The following SLC9A9 variants were observed in gnomAD, a reference collection of about 807,000 sequenced individuals.
The protein encoded by SLC9A9 is sodium/hydrogen exchanger 9.
SLC9A9 carries 62 observed loss-of-function variants against 77.8 expected under a neutral mutation model. The observed-to-expected ratio is 0.80, with a 90% CI of 0.65 to 0.98. The LOEUF (loss-of-function observed/expected upper bound fraction) is 0.98, where lower values mean the gene tolerates loss of function less well. SLC9A9 is among the 50% of genes least tolerant of loss of function. The probability of loss-of-function intolerance (pLI) is 0.00; values close to 1 mark genes in which losing one functional copy is unlikely to be tolerated. For missense variants in SLC9A9, 775 were observed against 774.9 expected, an observed-to-expected ratio of 1.00 and a Z score of 0.00; for synonymous variants, 320 against 283.5, an observed-to-expected ratio of 1.13 and a Z score of -1.29.
intron 5 of SLC9A9, among the ~76,000 whole-genome samples, chr3:143,688,960 A>G (rs1038990142): frequency 4.6e-5 from 7 of 151,642 alleles, no homozygotes; most frequent in Admixed American, 2.0e-4. Context: ...TATAATTTTT[A>G]TTATAAATTA....
chr3:143,759,541 C>T (rs953336621), intron 4 of SLC9A9, among the ~76,000 whole-genome samples: 1 of 151,876 alleles, frequency 6.6e-6, no homozygotes, highest in African/African-American at 2.4e-5. Flanking sequence ...GAAAGTGAGC[C>T]CTCTCTAAAT....
intron 12 of SLC9A9, among the ~76,000 whole-genome samples, chr3:143,466,084 T>C (rs112260722): frequency 0.014 from 2,094 of 152,324 alleles, 49 homozygotes; most frequent in African/African-American, 0.047. Flanking sequence ...AATCCTACTA[T>C]GTGCCAGGCA....
intron 2 of SLC9A9, among the ~76,000 whole-genome samples, chr3:143,806,258 C>A (rs968284153): frequency 6.6e-6 from 1 of 152,156 alleles, no homozygotes; most frequent in Non-Finnish European, 1.5e-5. Flanking sequence ...AGCTGCCTCT[C>A]AAAAGTTACT....
rs757377876 is a variant in SLC9A9, at chr3:143,537,651, G to A, written c.1089+14711C>T. 4.8e-4 allele frequency among the ~76,000 whole-genome samples: 73 copies of A among 152,184 alleles called. 1 individual carries two copies. The highest frequency in any genetic ancestry group is 1.2e-4 in the Non-Finnish European group (8 of 68,036). ...TTCAGAGATGGTCCCTTAGAGTTGA[G>A]CATCCACTCAAATTCTTTCAAGTTT... On this transcript the variant is annotated intron_variant, in intron 9 of 15. Transcript: ENST00000316549.
At chr3:143,273,786 TG>T (rs1937964889) in intron 14 of SLC9A9, among the ~76,000 whole-genome samples, 1 of 152,216 alleles carries the variant, frequency 6.6e-6, no homozygotes, top group African/African-American at 2.4e-5. Flanking sequence ...TCAGCAGATC[TG>T]GGAAGTAAAC....
intron 13 of SLC9A9, among the ~76,000 whole-genome samples, chr3:143,377,118 C>T (rs1419546300): frequency 6.6e-6 from 1 of 152,146 alleles, no homozygotes; most frequent in Non-Finnish European, 1.5e-5. Context: ...TATTTAATGA[C>T]CATGATGACC....
At chr3:143,643,633 C>G (rs2038656942) in intron 6 of SLC9A9, among the ~76,000 whole-genome samples, 2 of 152,166 alleles carry the variant, frequency 1.3e-5, no homozygotes, top group Non-Finnish European at 1.5e-5. Context: ...TCAAAATCAA[C>G]TCTACATTTA....
chr3:143,506,194 G>T (rs777054474), intron 9 of SLC9A9, among the ~76,000 whole-genome samples: 1 of 152,172 alleles, frequency 6.6e-6, no homozygotes, highest in Admixed American at 6.6e-5. Flanking sequence ...TATGCACACA[G>T]AATTTAAACC....
intron 9 of SLC9A9, among the ~76,000 whole-genome samples, chr3:143,533,874 T>A (rs2036551412): frequency 6.6e-6 from 1 of 152,206 alleles, no homozygotes; most frequent in South Asian, 2.1e-4. Context: ...ATTTCTAGGT[T>A]TAGTCCACCT....
intron 14 of SLC9A9, among the ~76,000 whole-genome samples, chr3:143,359,363 G>C (rs1284169537): frequency 1.3e-5 from 2 of 152,160 alleles, no homozygotes; most frequent in Non-Finnish European, 2.9e-5. Context: ...TCCATTCTGT[G>C]TCGGGTGGTG....
chr3:143,364,964 T>C (rs1304209015), intron 13 of SLC9A9, among the ~76,000 whole-genome samples: 2 of 152,160 alleles, frequency 1.3e-5, no homozygotes, highest in Non-Finnish European at 2.9e-5. Context: ...ATAGGTTTCT[T>C]AAATGGAGGA....
intron 5 of SLC9A9, among the ~76,000 whole-genome samples, chr3:143,672,807 A>G (rs2039179408): frequency 6.6e-6 from 1 of 152,230 alleles, no homozygotes; most frequent in Non-Finnish European, 1.5e-5. Flanking sequence ...AAGTCTTTGA[A>G]AAGGCATTTC....
chr3:143,580,009 A>G (rs369569150), intron 6 of SLC9A9, among the ~76,000 whole-genome samples: 159 of 152,306 alleles, frequency 1.0e-3, no homozygotes, highest in African/African-American at 3.8e-3. Context: ...AGGAAGATGA[A>G]TGTGGATCTT....
At chr3:143,690,229 T>A (rs754340970) in intron 5 of SLC9A9, among the ~76,000 whole-genome samples, 4 of 151,924 alleles carry the variant, frequency 2.6e-5, no homozygotes, top group South Asian at 2.1e-4. Flanking sequence ...ATTATATTAA[T>A]GTGTGGGAAG....
At chr3:143,512,799 C>T (rs112890895) in intron 9 of SLC9A9, among the ~76,000 whole-genome samples, 3,102 of 152,200 alleles carry the variant, frequency 0.02, 100 homozygotes, top group African/African-American at 0.069. Context: ...TGCTTGAACC[C>T]GGGAGGCAGA....
intron 5 of SLC9A9, among the ~76,000 whole-genome samples, chr3:143,674,519 C>T (rs1036423393): frequency 3.9e-5 from 6 of 152,138 alleles, no homozygotes; most frequent in African/African-American, 1.2e-4. Context: ...TCACACTTCC[C>T]CTTGAAACCG....
In SLC9A9 at chr3:143,540,997, T is replaced by C. The variant is rs914451876; in HGVS notation, c.1089+11365A>G. On this transcript the variant is annotated intron_variant, in intron 9 of 15. Transcript: ENST00000316549. ...ACCATATACGAAATTAAAAGCACTA[T>C]CAAACAATTTCTTCCAAAAATGGCA... 3.9e-5 allele frequency among the ~76,000 whole-genome samples: 6 copies of C among 152,172 alleles called. No homozygotes were observed. In the South Asian group the frequency reaches 1.2e-3, roughly 32 times the overall value.
intron 6 of SLC9A9, among the ~76,000 whole-genome samples, chr3:143,604,366 T>C (rs1246032467): frequency 6.6e-6 from 1 of 152,224 alleles, no homozygotes; most frequent in Non-Finnish European, 1.5e-5. Context: ...AGGTTTTCTC[T>C]TATGGAGCTC....
intron 6 of SLC9A9, among the ~76,000 whole-genome samples, chr3:143,626,317 G>C (rs951523852): frequency 6.6e-6 from 1 of 152,168 alleles, no homozygotes; most frequent in African/African-American, 2.4e-5. Context: ...ACATGCACAC[G>C]TATGTTTATT....
Sources: gnomAD v4.1 joint callset for allele counts (sites outside exome capture counted in the v4.1 genomes callset) on GRCh38, gnomAD v4.1.1 for gene constraint, MANE v1.5 for transcripts, NCBI Gene and HGNC (gene_info 2026-07-23, HGNC 2026-07-21) for gene names.